The following RPH3AL variants were observed in gnomAD, a reference collection of about 807,000 sequenced individuals.
RPH3AL encodes rab effector Noc2.
Under a neutral mutation model 43.1 loss-of-function variants are expected in RPH3AL, and 38 were observed. The ratio of observed to expected loss-of-function variants is 0.88; its 90% CI spans 0.68 to 1.15. The LOEUF is 1.15. Ranked by LOEUF, RPH3AL falls within the 50% of genes most tolerant of loss-of-function variation. The pLI, the probability that RPH3AL is intolerant of heterozygous loss-of-function variation, is 0.00. For missense variants in RPH3AL, 462 were observed against 423.2 expected, an observed-to-expected ratio of 1.09 and a Z score of -0.81; for synonymous variants, 189 against 176.3, an observed-to-expected ratio of 1.07 and a Z score of -0.57.
chr17:268,739 A>G (rs2042384089), intron 6 of RPH3AL, among the ~76,000 whole-genome samples: 1 of 150,216 alleles, frequency 6.7e-6, no homozygotes, highest in South Asian at 2.1e-4. Flanking sequence ...ATTTTTAAAA[A>G]CTTTTTGTAG....
intron 7 of RPH3AL, among the ~76,000 whole-genome samples, chr17:230,555 A>C (rs1367053606): frequency 6.6e-6 from 1 of 151,968 alleles, no homozygotes; most frequent in Non-Finnish European, 1.5e-5. Flanking sequence ...CAGGCAGTGG[A>C]CTCCTCTGGG....
chr17:230,900 G>A (rs1260397687), intron 7 of RPH3AL, among the ~76,000 whole-genome samples: 1 of 152,112 alleles, frequency 6.6e-6, no homozygotes, highest in Non-Finnish European at 1.5e-5. Context: ...TGTCCAGGTT[G>A]GTCTCGAACT....
chr17:229,493 G>A (rs1417963076), intron 7 of RPH3AL, among the ~76,000 whole-genome samples: 1 of 152,230 alleles, frequency 6.6e-6, no homozygotes, highest in African/African-American at 2.4e-5. Flanking sequence ...TCACCTCCAT[G>A]TCCCCCAAAG....
intron 7 of RPH3AL, among the ~76,000 whole-genome samples, chr17:224,029 C>T (rs2041053026): frequency 6.6e-6 from 1 of 152,230 alleles, no homozygotes; most frequent in Non-Finnish European, 1.5e-5. Flanking sequence ...CGTGGTCTTG[C>T]CTCTTTTCCC....
At chr17:272,082 C>T (rs1448282592) in intron 6 of RPH3AL, among the ~76,000 whole-genome samples, 11 of 152,090 alleles carry the variant, frequency 7.2e-5, no homozygotes, top group Admixed American at 1.3e-4. Flanking sequence ...GTTAGAATGG[C>T]GATGATTAAA....
At position 272,962 on chromosome 17, in the gene RPH3AL, C is replaced by CAGGGAGAGACCCCAGCG. The variant is rs2042521194; in HGVS notation, c.438+8805_438+8806insCGCTGGGGTCTCTCCCT. ...GGAGAGACCCCAGCAAGGGCTACGT[C>CAGGGAGAGACCCCAGCG]AGGGTGAGACCCCAGCAAGGGCTAC... On this transcript the variant is annotated intron_variant, in intron 6 of 9. Transcript: ENST00000331302. Among the ~76,000 whole-genome samples the CAGGGAGAGACCCCAGCG allele has an allele frequency of 1.6e-4, 7 of 42,898 alleles. 1 individual carries two copies. The highest frequency in any genetic ancestry group is 3.7e-4 in the African/African-American group (6 of 16,056). 28.1% of individuals were successfully genotyped at this position (42,898 alleles called of 152,430 possible).
At chr17:335,500 G>A (rs1049018004) in intron 1 of RPH3AL, among the ~76,000 whole-genome samples, 7 of 152,114 alleles carry the variant, frequency 4.6e-5, no homozygotes, top group African/African-American at 1.7e-4. Context: ...CCGCCCGGCC[G>A]GCCCGTAGAC....
At position 274,388 on chromosome 17, in the gene RPH3AL, C is replaced by A. The variant is rs916370114; in HGVS notation, c.438+7380G>T. ...GGGGCAGCAGCTGAAGCCGCCTGGG[C>A]AGCCTTCCTGGCACTTCAGGGCTGC... is the stretch of plus-strand genomic sequence containing the variant. On this transcript the variant is annotated intron_variant, in intron 6 of 9. Transcript: ENST00000331302. This position sits in a 1 kb window ranked among gnomAD's most constrained non-coding sequence, Gnocchi z 4.7. Among the ~76,000 whole-genome samples the A allele has an allele frequency of 1.3e-5, 2 of 152,260 alleles. No individual in the cohort carries two copies. Among genetic ancestry groups the A allele is most frequent in the South Asian group, 2.1e-4 (1 of 4,836 alleles).
At chr17:302,604 G>A (rs902086946) in intron 5 of RPH3AL, among the ~76,000 whole-genome samples, 1 of 152,186 alleles carries the variant, frequency 6.6e-6, no homozygotes, top group Non-Finnish European at 1.5e-5. Context: ...AGGATGGGAG[G>A]CGCCCGCCGT....
chr17:275,053 G>C (rs1225208077), intron 6 of RPH3AL, among the ~76,000 whole-genome samples: 1 of 152,086 alleles, frequency 6.6e-6, no homozygotes, highest in Non-Finnish European at 1.5e-5. Context: ...GCTCATAGGA[G>C]CATGAGCTGG....
At chr17:241,867 G>T (rs575221447) in intron 7 of RPH3AL, among the ~76,000 whole-genome samples, 6 of 151,928 alleles carry the variant, frequency 3.9e-5, no homozygotes, top group Admixed American at 1.3e-4. Context: ...GGTAATCCCC[G>T]CACTTTGGGA....
chr17:239,901 T>A (rs1312745189), intron 7 of RPH3AL, among the ~76,000 whole-genome samples: 1 of 152,122 alleles, frequency 6.6e-6, no homozygotes, highest in Non-Finnish European at 1.5e-5. Flanking sequence ...AATGCTGGGA[T>A]TACAGGCATG....
In RPH3AL at chr17:290,020, C is replaced by T. The variant is rs923459128; in HGVS notation, c.352-8166G>A. Among the ~76,000 whole-genome samples the T allele has an allele frequency of 6.6e-6, 1 of 152,214 alleles. No individual in the cohort carries two copies. Among genetic ancestry groups the T allele is most frequent in the Non-Finnish European group, 1.5e-5 (1 of 68,042 alleles). The stretch of plus-strand genomic sequence containing the variant: ...AGAGGCCACGTCTATTTCTGTTCAC[C>T]CTCCTGCTCCCTGTGCCCGGCACAG... On this transcript the variant is annotated intron_variant, in intron 5 of 9. Coordinates refer to ENST00000331302, the MANE Select transcript of RPH3AL (RefSeq NM_006987.4). The surrounding 1 kb of genome is among the most constrained non-coding windows in gnomAD (Gnocchi z 4.2).
chr17:214,333 C>T (rs1156700387), intron 9 of RPH3AL, among the ~76,000 whole-genome samples: 1 of 152,228 alleles, frequency 6.6e-6, no homozygotes. Flanking sequence ...TAGGGGAAGG[C>T]AGTCCATGTG....
chr17:224,510 CT>C lies in RPH3AL; in HGVS notation c.614-4775del, dbSNP rs756668018. Among the ~76,000 whole-genome samples, 4 of 152,346 alleles carry C rather than the reference CT, an allele frequency of 2.6e-5. No homozygotes were observed. The South Asian group carries it at 6.2e-4, about 24-fold the overall frequency. On this transcript the variant is annotated intron_variant, in intron 7 of 9. Coordinates refer to ENST00000331302, the MANE Select transcript of RPH3AL (RefSeq NM_006987.4). The stretch of plus-strand genomic sequence containing the variant: ...CCTGGCTGGCTGAATGCCCTGTGCT[CT>C]CTGCTACAACTGCACCAACCACTGT...
At chr17:310,729 C>T (rs1306154232) in intron 5 of RPH3AL, among the ~76,000 whole-genome samples, 1 of 152,214 alleles carries the variant, frequency 6.6e-6, no homozygotes, top group East Asian at 1.9e-4. Context: ...CTCCGGAGCA[C>T]TGGGATCCGC....
rs767252071 is a variant in RPH3AL, at chr17:245,324, A to AGT, written c.613+1785_613+1786dup. Among the ~76,000 whole-genome samples, 8 of 103,788 alleles carry AGT rather than the reference A, an allele frequency of 7.7e-5. No homozygotes were observed. Among genetic ancestry groups the AGT allele is most frequent in the South Asian group, 3.4e-4 (1 of 2,916 alleles). 68.1% of individuals were successfully genotyped at this position (103,788 alleles called of 152,430 possible). A position where few individuals can be genotyped will look rare whatever the true frequency, so the allele number is the denominator to read the frequency against. ...GGATGTGTGTGTGGATGTGGATGTC[A>AGT]GTGTGTGTGTGTGGATGTGAGTGTG... is the stretch of plus-strand genomic sequence containing the variant. On this transcript the variant is annotated intron_variant, in intron 7 of 9. Coordinates refer to ENST00000331302, the MANE Select transcript of RPH3AL (RefSeq NM_006987.4). This position sits in a 1 kb window ranked among gnomAD's most constrained non-coding sequence, Gnocchi z 5.9.
chr17:238,032 G>A (rs2041441740), intron 7 of RPH3AL, among the ~76,000 whole-genome samples: 1 of 152,090 alleles, frequency 6.6e-6, no homozygotes, highest in South Asian at 2.1e-4. Flanking sequence ...CCAGCTACTT[G>A]GGAGGCAGAG....
intron 5 of RPH3AL, among the ~76,000 whole-genome samples, chr17:304,387 T>A (rs1313849586): frequency 6.6e-6 from 1 of 152,044 alleles, no homozygotes; most frequent in East Asian, 1.9e-4. Flanking sequence ...AATCCAGCGT[T>A]CTAAACCTCT....
Sources: allele counts gnomAD v4.1 joint callset (sites outside exome capture counted in the v4.1 genomes callset), GRCh38; gene constraint gnomAD v4.1.1; non-coding constraint Gnocchi (gnomAD v3.1); transcripts MANE v1.5; gene names NCBI Gene and HGNC (gene_info 2026-07-23, HGNC 2026-07-21).